CTSC: variants seen among roughly 807,000 people sequenced by gnomAD.
The protein encoded by CTSC is dipeptidyl peptidase 1.
In CTSC, 37 loss-of-function variants were observed where a neutral mutation model predicts 40.9. The observed-to-expected ratio is 0.91, with a 90% confidence interval of 0.70 to 1.19. The LOEUF (loss-of-function observed/expected upper bound fraction) is 1.19, where lower values mean the gene tolerates loss of function less well. CTSC is among the 50% of genes most tolerant of loss of function. The probability of loss-of-function intolerance (pLI) is 0.00; values close to 1 mark genes in which losing one functional copy is unlikely to be tolerated. For synonymous variants in CTSC, 232 were observed against 207.4 expected (o/e 1.12, Z -1.02); for missense variants, 594 against 567.3 (o/e 1.05, Z -0.48).
Position 88,333,276 on chromosome 11 carries a change from A to G in CTSC, c.318+1661T>C, listed in dbSNP as rs142273863. 1.5e-3 allele frequency among the ~76,000 whole-genome samples: 236 copies of G among 152,364 alleles called. 1 individual carries two copies. The highest frequency in any genetic ancestry group is 5.4e-3 in the African/African-American group (224 of 41,592). On this transcript the variant is annotated intron_variant, in intron 2 of 6. Coordinates refer to ENST00000227266, the MANE Select transcript of CTSC (RefSeq NM_001814.6). ...GTTTTCTAAGTCAAAAGAATAAACT[A>G]TGTACTTGTCTCTTTTTACCTATTC...
intron 2 of CTSC, chr11:88,326,361 CA>C: frequency 6.2e-7 from 1 of 1,613,930 alleles, no homozygotes. Context: ...CACACTGTCG[CA>C]GGCTGCTCTG....
intron 2 of CTSC, among the ~76,000 whole-genome samples, chr11:88,331,137 G>A (rs1938344618): frequency 6.6e-6 from 1 of 152,166 alleles, no homozygotes; most frequent in South Asian, 2.1e-4. Context: ...TATGTAGGAA[G>A]TTCTCCCCAC....
At chr11:88,322,547 GAAGA>G (rs2134801644) in intron 2 of CTSC, 1 of 152,188 alleles carries the variant, frequency 6.6e-6, no homozygotes, top group African/African-American at 2.4e-5. Context: ...AAAAATAAGA[GAAGA>G]ATCAAACAGA....
At chr11:88,300,449 C>T (rs2134770725) in intron 5 of CTSC, 81 bp downstream of exon 5, 2 of 837,048 alleles carry the variant, frequency 2.4e-6, no homozygotes, top group East Asian at 5.0e-5. Context: ...ATCTAGGTAT[C>T]CCCGAAATCC....
At chr11:88,319,722 T>C (rs1442195901) in intron 2 of CTSC, among the ~76,000 whole-genome samples, 2 of 152,174 alleles carry the variant, frequency 1.3e-5, no homozygotes, top group African/African-American at 2.4e-5. Context: ...TGTAGTACAG[T>C]GATACATGTA....
At chr11:88,326,389 T>C in intron 2 of CTSC, 1 of 1,614,058 alleles carries the variant, frequency 6.2e-7, no homozygotes, top group South Asian at 1.1e-5. Flanking sequence ...AGCCCCAACG[T>C]CTGTTCATGG....
At chr11:88,301,031 T>G (rs1944354956) in intron 4 of CTSC, among the ~76,000 whole-genome samples, 1 of 152,148 alleles carries the variant, frequency 6.6e-6, no homozygotes, top group African/African-American at 2.4e-5. Flanking sequence ...GAATCACTGA[T>G]GTTTGACTTA....
Position 88,325,026 on chromosome 11 carries a change from G to A in CTSC, c.318+9911C>T. 3 of 985,146 alleles carry A rather than the reference G, an allele frequency of 3.0e-6. No individual in the cohort carries two copies. In the South Asian group the frequency reaches 1.4e-4, roughly 46 times the overall value. The allele number at this position is 985,146 out of a possible 1,614,324, so 61.0% of individuals were successfully genotyped here. On this transcript the variant is annotated intron_variant, in intron 2 of 6. Transcript: ENST00000227266. ...CTATTCAAGCAGAAATGCAAGAGAG[G>A]AAAGTCCACCCAGACAATATGAATT... is the stretch of plus-strand genomic sequence containing the variant.
At chr11:88,313,533 C>G (rs1246294729) in intron 2 of CTSC, among the ~76,000 whole-genome samples, 7 of 152,010 alleles carry the variant, frequency 4.6e-5, no homozygotes, top group Non-Finnish European at 8.8e-5. Context: ...TTAACAGATC[C>G]AGGATTTGAA....
chr11:88,329,050 C>T (rs1471391959), intron 2 of CTSC, among the ~76,000 whole-genome samples: 2 of 152,216 alleles, frequency 1.3e-5, no homozygotes, highest in East Asian at 1.9e-4. Flanking sequence ...AATGAGTCTA[C>T]TTCCCCTCTA....
Position 88,315,280 on chromosome 11 carries a change from T to C in CTSC, c.319-2726A>G, listed in dbSNP as rs374668592. 1.2e-4 allele frequency among the ~76,000 whole-genome samples: 19 copies of C among 152,234 alleles called. No individual in the cohort carries two copies. The East Asian group carries it at 1.4e-3, about 11-fold the overall frequency. ...TCCAGAGTTCTTAAGAGCTACTTTA[T>C]AGATATTGACACACATACACAAACA... is the stretch of plus-strand genomic sequence containing the variant. On this transcript the variant is annotated intron_variant, in intron 2 of 6. Coordinates refer to ENST00000227266, the MANE Select transcript of CTSC (RefSeq NM_001814.6).
chr11:88,310,684 A>C (rs1937735070), intron 3 of CTSC, among the ~76,000 whole-genome samples: 1 of 152,212 alleles, frequency 6.6e-6, no homozygotes, highest in Non-Finnish European at 1.5e-5. Flanking sequence ...GCAAAGTGTG[A>C]AAAACCCAGA....
chr11:88,317,123 C>A (rs947458822), intron 2 of CTSC, among the ~76,000 whole-genome samples: 1 of 152,118 alleles, frequency 6.6e-6, no homozygotes, highest in Non-Finnish European at 1.5e-5. Flanking sequence ...TGCGTCACCA[C>A]GCCCGGCTAA....
At chr11:88,330,885 A>G (rs1938335115) in intron 2 of CTSC, among the ~76,000 whole-genome samples, 1 of 152,216 alleles carries the variant, frequency 6.6e-6, no homozygotes, top group Admixed American at 6.5e-5. Flanking sequence ...AGCCCTGAAT[A>G]AACAGAACTT....
intron 2 of CTSC, among the ~76,000 whole-genome samples, chr11:88,315,874 G>A (rs1225805434): frequency 1.3e-5 from 2 of 152,060 alleles, no homozygotes; most frequent in African/African-American, 4.8e-5. Context: ...TATTATTTGA[G>A]CCTCACGATA....
chr11:88,320,700 A>C (rs901184284), intron 2 of CTSC: 1 of 380,714 alleles, frequency 2.6e-6, no homozygotes, highest in African/African-American at 2.2e-5. Context: ...TAAAAGTCTA[A>C]TCTCTTTTCC....
chr11:88,326,530 A>AC lies in CTSC; in HGVS notation c.318+8406_318+8407insG, dbSNP rs1282243855. 7.4e-6 allele frequency: 6 copies of AC among 809,732 alleles called. 1 individual carries two copies. The highest frequency in any genetic ancestry group is 1.2e-5 in the Non-Finnish European group (6 of 493,914). 50.2% of individuals were successfully genotyped at this position (809,732 alleles called of 1,614,324 possible). ...AATCATATCAGTTTCTTTAAGTAAA[A>AC]AAAAAAAAAAATACCAGCACTGATA... On this transcript the variant is annotated intron_variant, in intron 2 of 6. Transcript: ENST00000227266.
chr11:88,337,646 G>T lies in CTSC; in HGVS notation c.27C>A (p.Leu9=). Residue 9 remains leucine, a synonymous_variant, in exon 1 of 7, where the codon CTC becomes CTA. Coordinates refer to ENST00000227266, the MANE Select transcript of CTSC (RefSeq NM_001814.6). MGAGPSLL[L]AALLLLLSGD... The stretch of plus-strand genomic sequence containing the variant: ...CGGAGAGAAGCAGCAGGAGGGCGGC[G>T]AGCAGCAAGGAGGGCCCAGCACCCA... 6.3e-7 allele frequency: 1 copy of T among 1,582,262 alleles called. No homozygotes were observed. The highest frequency in any genetic ancestry group is 1.2e-5 in the South Asian group (1 of 86,750).
intron 1 of CTSC, among the ~76,000 whole-genome samples, 172 bp from the exon 2 acceptor site, chr11:88,335,254 C>A (rs1938464464): frequency 1.3e-5 from 2 of 151,932 alleles, no homozygotes; most frequent in Admixed American, 1.3e-4. Context: ...TCAAACAGTT[C>A]CTGCTCCGAG....
Sources: allele counts gnomAD v4.1 joint callset (sites outside exome capture counted in the v4.1 genomes callset), GRCh38; gene constraint gnomAD v4.1.1; transcripts MANE v1.5; gene names NCBI Gene and HGNC (gene_info 2026-07-23, HGNC 2026-07-21).